UGT1A8: variants seen among roughly 807,000 people sequenced by gnomAD.
UGT1A8 encodes the protein UDP-glucuronosyltransferase 1A8.
A neutral mutation model predicts 45.3 loss-of-function variants in UGT1A8; 39 were observed. The observed-to-expected ratio is 0.86, with a 90% CI of 0.67 to 1.12. UGT1A8 has a LOEUF of 1.12. UGT1A8 is among the 50% of genes most tolerant of loss of function. The probability of loss-of-function intolerance (pLI) is 0.00; values close to 1 mark genes in which losing one functional copy is unlikely to be tolerated. For synonymous variants in UGT1A8, 275 were observed against 249.2 expected (o/e 1.10, Z -0.97); for missense variants, 719 against 664.9 (o/e 1.08, Z -0.90).
intron 1 of UGT1A8, among the ~76,000 whole-genome samples, chr2:233,634,128 T>C (rs2073237205): frequency 6.6e-6 from 1 of 152,212 alleles, no homozygotes; most frequent in Admixed American, 6.5e-5. Flanking sequence ...TTTGAGTGAG[T>C]TTCTTAATCC....
At chr2:233,675,270 G>A (rs1040996706) in intron 1 of UGT1A8, among the ~76,000 whole-genome samples, 1 of 152,140 alleles carries the variant, frequency 6.6e-6, no homozygotes. Flanking sequence ...ATATCATTCC[G>A]TGTGGTCATT....
intron 1 of UGT1A8, among the ~76,000 whole-genome samples, chr2:233,679,446 G>A (rs2074452882): frequency 6.6e-6 from 1 of 152,136 alleles, no homozygotes; most frequent in East Asian, 1.9e-4. Context: ...CTGTAAACTT[G>A]ACTGCATTTA....
At chr2:233,677,047 A>G in intron 1 of UGT1A8, among the ~76,000 whole-genome samples, 1 of 151,876 alleles carries the variant, frequency 6.6e-6, no homozygotes, top group East Asian at 1.9e-4. Context: ...GCATTACCAT[A>G]TGCATTTTAA....
At chr2:233,710,803 G>A (rs771907333) in intron 1 of UGT1A8, among the ~76,000 whole-genome samples, 17 of 152,124 alleles carry the variant, frequency 1.1e-4, no homozygotes, top group Non-Finnish European at 2.1e-4. Flanking sequence ...TGTACCCCTC[G>A]TGCCCTATCT....
intron 1 of UGT1A8, among the ~76,000 whole-genome samples, chr2:233,766,658 C>A (rs1575821914): frequency 6.6e-6 from 1 of 152,166 alleles, no homozygotes; most frequent in Admixed American, 6.5e-5. Flanking sequence ...AAAGGGACCA[C>A]GCCCTTCCCA....
intron 1 of UGT1A8, among the ~76,000 whole-genome samples, chr2:233,683,219 A>G (rs2074623574): frequency 6.6e-6 from 1 of 152,196 alleles, no homozygotes. Context: ...TTTTATCAAT[A>G]TAAAATCTAC....
intron 1 of UGT1A8, among the ~76,000 whole-genome samples, chr2:233,646,529 T>C (rs188562315): frequency 6.6e-6 from 1 of 152,336 alleles, no homozygotes; most frequent in Non-Finnish European, 1.5e-5. Context: ...CTTTGCTTTT[T>C]AAAAATTTCT....
intron 1 of UGT1A8, among the ~76,000 whole-genome samples, chr2:233,628,236 A>G (rs1158063500): frequency 2.0e-5 from 3 of 152,130 alleles, no homozygotes; most frequent in Non-Finnish European, 4.4e-5. Context: ...AATAAATAAT[A>G]ACATGGTATC....
At chr2:233,696,659 A>G (rs989216959) in intron 1 of UGT1A8, among the ~76,000 whole-genome samples, 1 of 152,198 alleles carries the variant, frequency 6.6e-6, no homozygotes, top group Non-Finnish European at 1.5e-5. Context: ...TTCCAGTACT[A>G]TGAAGAATAA....
chr2:233,768,154 C>G, intron 3 of UGT1A8, 66 bp from the exon 4 acceptor site: 1 of 1,612,760 alleles, frequency 6.2e-7, no homozygotes, highest in Non-Finnish European at 8.5e-7. Context: ...TTTTCAGAAC[C>G]TAGATGTGTC....
chr2:233,672,588 A>C (rs780740766), intron 1 of UGT1A8: 11 of 1,613,912 alleles, frequency 6.8e-6, no homozygotes, highest in East Asian at 4.5e-5. Context: ...AGGAACATTT[A>C]TTATGCCACC....
At chr2:233,634,643 T>C (rs1294218201) in intron 1 of UGT1A8, among the ~76,000 whole-genome samples, 1 of 152,176 alleles carries the variant, frequency 6.6e-6, no homozygotes, top group Non-Finnish European at 1.5e-5. Flanking sequence ...TTTTTTTGCT[T>C]TCCATATGCT....
intron 1 of UGT1A8, among the ~76,000 whole-genome samples, chr2:233,751,630 A>C (rs1694768299): frequency 6.6e-6 from 1 of 152,142 alleles, no homozygotes; most frequent in Non-Finnish European, 1.5e-5. Context: ...TCATGTGTGC[A>C]GTTTCCCCCT....
rs562393404 is a variant in UGT1A8 at position 233,695,404 on chromosome 2, G to A, written c.856-71630G>A. 3.3e-5 allele frequency among the ~76,000 whole-genome samples: 5 copies of A among 150,554 alleles called. No individual in the cohort carries two copies. The East Asian group carries it at 7.7e-4, about 23-fold the overall frequency. ...CTCCCAAAGTGCTGGGATTACAGGC[G>A]TGAGCTACCGCGCCCGGCCTTCTTC... On this transcript the variant is annotated intron_variant, in intron 1 of 4. Coordinates refer to ENST00000373450, the MANE Select transcript of UGT1A8 (RefSeq NM_019076.5).
intron 1 of UGT1A8, among the ~76,000 whole-genome samples, chr2:233,624,447 G>A (rs1391777861): frequency 6.6e-6 from 1 of 152,044 alleles, no homozygotes; most frequent in African/African-American, 2.4e-5. Context: ...TTGTTTTCTT[G>A]CATGTGAATA....
intron 1 of UGT1A8, chr2:233,691,346 T>C (rs2075039173): frequency 1.0e-6 from 1 of 985,522 alleles, no homozygotes; most frequent in Non-Finnish European, 1.2e-6. Flanking sequence ...AGTCTTCGCA[T>C]GCCTTGAACA....
chr2:233,715,554 T>C (rs952173326), intron 1 of UGT1A8, among the ~76,000 whole-genome samples: 2 of 152,138 alleles, frequency 1.3e-5, no homozygotes, highest in African/African-American at 2.4e-5. Context: ...GGAGGATTGC[T>C]TGAGCCCAGG....
intron 1 of UGT1A8, among the ~76,000 whole-genome samples, chr2:233,720,004 A>G (rs1304715933): frequency 2.6e-5 from 4 of 152,144 alleles, no homozygotes; most frequent in African/African-American, 9.7e-5. Flanking sequence ...TACATTCAGA[A>G]CTGATCCATC....
At chr2:233,763,477 G>T (rs553290095) in intron 1 of UGT1A8, among the ~76,000 whole-genome samples, 67 of 152,208 alleles carry the variant, frequency 4.4e-4, no homozygotes, top group South Asian at 2.7e-3. Context: ...TAATAGATTT[G>T]ATTGTAACTC....
Sources: allele counts gnomAD v4.1 joint callset (sites outside exome capture counted in the v4.1 genomes callset), GRCh38; gene constraint gnomAD v4.1.1; transcripts MANE v1.5; gene names NCBI Gene and HGNC (gene_info 2026-07-23, HGNC 2026-07-21).